Variants in THRAP3 observed in about 807,000 individuals in gnomAD.
THRAP3 encodes thyroid hormone receptor associated protein 3.
Under a neutral mutation model 101.0 loss-of-function variants are expected in THRAP3, and 16 were observed. The observed-to-expected ratio is 0.16, with a 90% CI of 0.11 to 0.24. THRAP3 has a LOEUF of 0.24. Among genes scored for constraint, THRAP3 ranks in the 10% least tolerant of loss-of-function variants. The probability of loss-of-function intolerance (pLI) is 1.00; values close to 1 mark genes in which losing one functional copy is unlikely to be tolerated. For synonymous variants in THRAP3, 407 were observed against 422.6 expected (o/e 0.96, Z 0.45); for missense variants, 989 against 1,202.7 (o/e 0.82, Z 2.63).
intron 1 of THRAP3, among the ~76,000 whole-genome samples, chr1:36,247,301 A>G (rs1224092523): frequency 6.6e-6 from 1 of 151,804 alleles, no homozygotes; most frequent in African/African-American, 2.4e-5. Context: ...TGGGCGACAG[A>G]GCGAGACTCC....
At chr1:36,273,219 C>G (rs927295965) in intron 2 of THRAP3, among the ~76,000 whole-genome samples, 1 of 152,186 alleles carries the variant, frequency 6.6e-6, no homozygotes, top group African/African-American at 2.4e-5. Flanking sequence ...ATTATCTAAT[C>G]TGGAAAAGCA....
intron 2 of THRAP3, among the ~76,000 whole-genome samples, chr1:36,259,763 C>CAAA (rs11399884): frequency 3.7e-5 from 5 of 134,102 alleles, no homozygotes; most frequent in Admixed American, 7.5e-5. Context: ...GACCCTGTCT[C>CAAA]AAAAAAAAAA....
chr1:36,264,952 T>A (rs1407919218), intron 2 of THRAP3, among the ~76,000 whole-genome samples: 2 of 152,126 alleles, frequency 1.3e-5, no homozygotes, highest in Non-Finnish European at 2.9e-5. Context: ...GACAGAAGGA[T>A]CTGTTCCAGG....
intron 2 of THRAP3, among the ~76,000 whole-genome samples, chr1:36,265,925 G>A (rs1470631180): frequency 1.3e-5 from 2 of 151,870 alleles, no homozygotes; most frequent in East Asian, 1.9e-4. Flanking sequence ...AGGCTGAGGC[G>A]GGCGGATCAT....
At chr1:36,233,181 C>A (rs1391643523) in intron 1 of THRAP3, among the ~76,000 whole-genome samples, 2 of 149,050 alleles carry the variant, frequency 1.3e-5, no homozygotes, top group Non-Finnish European at 3.0e-5. Flanking sequence ...GAACTGTATT[C>A]TTAAGATGTG....
intron 1 of THRAP3, among the ~76,000 whole-genome samples, chr1:36,255,891 C>T (rs1645368042): frequency 6.6e-6 from 1 of 152,024 alleles, no homozygotes; most frequent in African/African-American, 2.4e-5. Flanking sequence ...AGAATGTTAG[C>T]GTTTACCCTT....
chr1:36,227,594 G>A (rs922403349), intron 1 of THRAP3, among the ~76,000 whole-genome samples: 1 of 152,110 alleles, frequency 6.6e-6, no homozygotes, highest in Non-Finnish European at 1.5e-5. Flanking sequence ...ACAACAGATG[G>A]AGGGAGGAAG....
intron 1 of THRAP3, among the ~76,000 whole-genome samples, chr1:36,236,545 T>G (rs1384430846): frequency 1.3e-5 from 2 of 150,696 alleles, no homozygotes; most frequent in Non-Finnish European, 3.0e-5. Flanking sequence ...ATCCTCCCAC[T>G]TCCCCCTCCC....
Position 36,294,846 on chromosome 1 carries a change from T to C in THRAP3, c.2115+911T>C, listed in dbSNP as rs79916973. Among the ~76,000 whole-genome samples the C allele has an allele frequency of 9.6e-3, 1,460 of 152,274 alleles. 16 individuals carry two copies. The highest frequency in any genetic ancestry group is 0.034 in the African/African-American group (1,399 of 41,520). ...TTGGAGGTGTTACCCCTGGGAGCAG[T>C]GTTGCATTTGTCTTTTTGTCTTTTT... On this transcript the variant is annotated intron_variant, in intron 8 of 11. Coordinates refer to ENST00000354618, the MANE Select transcript of THRAP3 (RefSeq NM_005119.4).
chr1:36,216,630 C>A, the THRAP3 span, among the ~76,000 whole-genome samples: 222 of 150,932 alleles, frequency 1.5e-3, 2 homozygotes, highest in South Asian at 8.4e-4. Context: ...ACAACAACAA[C>A]AAAAAAATAG....
chr1:36,252,137 AT>A (rs1645309002), intron 1 of THRAP3, among the ~76,000 whole-genome samples: 1 of 152,024 alleles, frequency 6.6e-6, no homozygotes, highest in Non-Finnish European at 1.5e-5. Flanking sequence ...TTATTTATTT[AT>A]TTTTGAGACG....
rs777827826 is a variant in THRAP3, at chr1:36,282,730, T to C, written c.137+30T>C. On this transcript the variant is annotated intron_variant, in intron 3 of 11. Transcript: ENST00000354618. ...GGGGGTGTGACTTTGTATATTGAGA[T>C]AATCATTGCATCAGTCGATGTGGAT... 1.9e-6 allele frequency: 3 copies of C among 1,612,268 alleles called. No individual in the cohort carries two copies. The Admixed American group carries it at 5.0e-5, about 27-fold the overall frequency.
intron 2 of THRAP3, among the ~76,000 whole-genome samples, chr1:36,277,494 C>T (rs1024734862): frequency 6.6e-6 from 1 of 151,990 alleles, no homozygotes. Context: ...ACCACCACGC[C>T]TGGCTCACAT....
At chr1:36,281,578 CTTT>C (rs11331243) in intron 2 of THRAP3, among the ~76,000 whole-genome samples, 1 of 145,190 alleles carries the variant, frequency 6.9e-6, no homozygotes, top group Admixed American at 6.8e-5. Flanking sequence ...GTCATTTCAT[CTTT>C]TTTTTTTTTT....
intron 1 of THRAP3, among the ~76,000 whole-genome samples, chr1:36,237,198 T>G (rs1645100462): frequency 6.6e-6 from 1 of 152,054 alleles, no homozygotes; most frequent in African/African-American, 2.4e-5. Context: ...CCGGGCATGG[T>G]GGCTCATACC....
At chr1:36,297,314 TGTTTCTGTTTAC>T (rs1645965546) in intron 9 of THRAP3, among the ~76,000 whole-genome samples, 1 of 152,206 alleles carries the variant, frequency 6.6e-6, no homozygotes, top group Non-Finnish European at 1.5e-5. Context: ...TATGTCCTGA[TGTTTCTGTTTAC>T]GTTTTTGAAT....
chr1:36,227,939 G>A (rs1045763588), intron 1 of THRAP3, among the ~76,000 whole-genome samples: 1 of 151,746 alleles, frequency 6.6e-6, no homozygotes, highest in East Asian at 1.9e-4. Context: ...GTGGTGGTGC[G>A]ATCTCGGCTC....
chr1:36,253,494 A>G (rs1206729168), intron 1 of THRAP3, among the ~76,000 whole-genome samples: 2 of 152,230 alleles, frequency 1.3e-5, no homozygotes, highest in Non-Finnish European at 2.9e-5. Flanking sequence ...TGAGAAGTGA[A>G]TAAAGTAATT....
At chr1:36,244,123 G>C (rs1016494196) in intron 1 of THRAP3, among the ~76,000 whole-genome samples, 1 of 152,230 alleles carries the variant, frequency 6.6e-6, no homozygotes, top group South Asian at 2.1e-4. Context: ...AAGTGGCCTT[G>C]TGGGAAGGAA....
Sources: allele counts gnomAD v4.1 joint callset (sites outside exome capture counted in the v4.1 genomes callset), GRCh38; gene constraint gnomAD v4.1.1; transcripts MANE v1.5; gene names NCBI Gene and HGNC (gene_info 2026-07-23, HGNC 2026-07-21).